SYT17: variants seen among roughly 807,000 people sequenced by gnomAD.
The protein encoded by SYT17 is synaptotagmin 17.
SYT17 carries 22 observed loss-of-function variants against 46.7 expected under a neutral mutation model. The observed-to-expected ratio is 0.47, with a 90% CI of 0.34 to 0.67. The LOEUF (loss-of-function observed/expected upper bound fraction) is 0.67, where lower values mean the gene tolerates loss of function less well. SYT17 is among the 30% of genes least tolerant of loss of function. SYT17 has a pLI of 0.01. For synonymous variants in SYT17, 251 were observed against 248.4 expected (o/e 1.01, Z -0.10); for missense variants, 519 against 612.8 (o/e 0.85, Z 1.62).
intron 5 of SYT17, among the ~76,000 whole-genome samples, chr16:19,199,165 A>AG (rs1965368112): frequency 2.0e-5 from 3 of 152,194 alleles, no homozygotes; most frequent in Admixed American, 2.0e-4. Flanking sequence ...CTCTCATCGT[A>AG]GTGTAATAAG....
At chr16:19,232,151 C>G (rs895245273) in intron 7 of SYT17, among the ~76,000 whole-genome samples, 2 of 152,170 alleles carry the variant, frequency 1.3e-5, no homozygotes, top group Admixed American at 1.3e-4. Flanking sequence ...CCCCCACACC[C>G]TGCTGCCTGC....
Position 19,180,513 on chromosome 16 carries a change from C to G in SYT17, c.305C>G (p.Thr102Arg). ...RRSSSDTSKS[T>R]YSLTRRISSL... Reference sequence around the variant, plus strand: ...TCGTCCTCAGACACATCCAAGTCTACATACAGCCTGACGCGGAGGATTTCG... The same window carrying G: ...TCGTCCTCAGACACATCCAAGTCTAGATACAGCCTGACGCGGAGGATTTCG... The change falls in exon 4 of 8, where the codon ACA becomes AGA. Residue 102 changes from threonine (T) to arginine (R), a missense_variant. Physicochemically the swap from Thr to Arg is moderately conservative, Grantham distance 71 (BLOSUM62 -1). Coordinates refer to ENST00000355377, the MANE Select transcript of SYT17 (RefSeq NM_016524.4). 6.2e-7 allele frequency: 1 copy of G among 1,614,230 alleles called. No individual in the cohort carries two copies. The highest frequency in any genetic ancestry group is 8.5e-7 in the Non-Finnish European group (1 of 1,180,042).
chr16:19,236,661 G>A (rs775695187), intron 7 of SYT17, among the ~76,000 whole-genome samples: 10 of 152,174 alleles, frequency 6.6e-5, no homozygotes, highest in East Asian at 1.9e-4. Flanking sequence ...GGGAGGAGAC[G>A]CATAGGGCAG....
chr16:19,192,073 G>A (rs891529778), intron 5 of SYT17, among the ~76,000 whole-genome samples: 13 of 152,206 alleles, frequency 8.5e-5, no homozygotes, highest in African/African-American at 2.7e-4. Flanking sequence ...GCGAGCCACC[G>A]CGCGGCCGCA....
chr16:19,169,812 T>G (rs560919071), intron 1 of SYT17: 2 of 152,284 alleles, frequency 1.3e-5, no homozygotes, highest in South Asian at 2.1e-4. Flanking sequence ...CAACAAACAC[T>G]TGGGCGACCG....
intron 7 of SYT17, among the ~76,000 whole-genome samples, chr16:19,252,440 TATATATACAC>T (rs1968190933): frequency 3.3e-5 from 1 of 30,274 alleles, no homozygotes; most frequent in Non-Finnish European, 4.9e-5. Context: ...TATATATACA[TATATATACAC>T]ATATATACAT....
At chr16:19,184,256 T>C (rs1177287478) in intron 5 of SYT17, 109 bp downstream of exon 5, 1 of 1,415,396 alleles carries the variant, frequency 7.1e-7, no homozygotes, top group East Asian at 2.4e-5. Context: ...AAACTTTTTA[T>C]TTTGAAATAA....
chr16:19,187,446 C>A (rs769700841), intron 5 of SYT17, among the ~76,000 whole-genome samples: 8 of 152,142 alleles, frequency 5.3e-5, no homozygotes, highest in Non-Finnish European at 8.8e-5. Flanking sequence ...GCAGGTCTTG[C>A]ACCGTTGGAG....
At chr16:19,190,768 CTGTGTGTGTGTGTGTGTGTGTGTGTG>C (rs56947560) in intron 5 of SYT17, among the ~76,000 whole-genome samples, 1 of 144,722 alleles carries the variant, frequency 6.9e-6, no homozygotes, top group Non-Finnish European at 1.5e-5. Flanking sequence ...AATAATATTC[CTGTGTGTGTGTGTGTGTGTGTGTGTG>C]TGTGTGTGTG....
intron 7 of SYT17, among the ~76,000 whole-genome samples, chr16:19,229,478 G>A (rs1161399832): frequency 2.6e-5 from 4 of 152,066 alleles, no homozygotes; most frequent in African/African-American, 9.7e-5. Context: ...TCACTATATA[G>A]TACCAAGGGA....
At chr16:19,250,359 TTGTGTGTGTGTGTGTGTGTGTG>T (rs55818940) in intron 7 of SYT17, among the ~76,000 whole-genome samples, 1 of 132,468 alleles carries the variant, frequency 7.5e-6, no homozygotes, top group Non-Finnish European at 1.6e-5. Flanking sequence ...TCAAACATGT[TTGTGTGTGTGTGTGTGTGTGTG>T]TGTGTGTGTG....
At chr16:19,230,446 T>G (rs921448627) in intron 7 of SYT17, among the ~76,000 whole-genome samples, 1 of 152,044 alleles carries the variant, frequency 6.6e-6, no homozygotes, top group Non-Finnish European at 1.5e-5. Flanking sequence ...TTGTGATGGT[T>G]ACACAACACT....
chr16:19,203,332 A>C (rs1043538030), intron 5 of SYT17, among the ~76,000 whole-genome samples: 3 of 81,240 alleles, frequency 3.7e-5, no homozygotes, highest in African/African-American at 2.6e-4. Context: ...CTCTACTAAC[A>C]ATACAAAAAA....
At chr16:19,205,407 C>T (rs1965627954) in intron 5 of SYT17, among the ~76,000 whole-genome samples, 1 of 151,672 alleles carries the variant, frequency 6.6e-6, no homozygotes, top group Non-Finnish European at 1.5e-5. Context: ...TTTCTTCACT[C>T]AGGTTACCAT....
In SYT17 at chr16:19,183,834, C is replaced by T. The variant is rs376561345; in HGVS notation, c.638C>T (p.Pro213Leu). The stretch of plus-strand genomic sequence containing the variant: ...GTGATCGAGGCCAGGGACCTGCCAC[C>T]TCCCATCTCCCACGATGGCTCGCGC... ...VRVIEARDLP[P>L]PISHDGSRQD... The change falls in exon 5 of 8, where the codon CCT becomes CTT. Residue 213 changes from proline to leucine, a missense_variant. Transcript: ENST00000355377. This position sits in a 1 kb window ranked among gnomAD's most constrained non-coding sequence, Gnocchi z 5.6. 1 of 1,614,066 alleles carries T rather than the reference C, an allele frequency of 6.2e-7. No individual in the cohort carries two copies. The highest frequency in any genetic ancestry group is 8.5e-7 in the Non-Finnish European group (1 of 1,180,034).
At chr16:19,220,069 G>A (rs1966251347) in intron 5 of SYT17, among the ~76,000 whole-genome samples, 1 of 152,100 alleles carries the variant, frequency 6.6e-6, no homozygotes, top group Admixed American at 6.6e-5. Context: ...CCTAGCAACA[G>A]TGCAAAAGGG....
chr16:19,256,815 C>G (rs527888774), intron 7 of SYT17, among the ~76,000 whole-genome samples: 10 of 152,036 alleles, frequency 6.6e-5, no homozygotes, highest in Non-Finnish European at 1.2e-4. Context: ...TGGGCTCAAG[C>G]GATCCTCCCA....
intron 7 of SYT17, among the ~76,000 whole-genome samples, chr16:19,255,043 C>T (rs570567576): frequency 1.1e-4 from 16 of 152,268 alleles, no homozygotes; most frequent in South Asian, 2.1e-4. Flanking sequence ...CGTGGTTTCT[C>T]CTCCACTCCC....
intron 7 of SYT17, among the ~76,000 whole-genome samples, chr16:19,245,469 G>A (rs894458648): frequency 2.6e-5 from 4 of 152,116 alleles, no homozygotes; most frequent in South Asian, 2.1e-4. Flanking sequence ...TCCACCAGGC[G>A]CCGAGAAGGG....
Sources: gnomAD v4.1 joint callset for allele counts (sites outside exome capture counted in the v4.1 genomes callset) on GRCh38, gnomAD v4.1.1 for gene constraint, Gnocchi (gnomAD v3.1) non-coding constraint, MANE v1.5 for transcripts, NCBI Gene and HGNC (gene_info 2026-07-23, HGNC 2026-07-21) for gene names.